SHANK2: variants seen among roughly 807,000 people sequenced by gnomAD.
SHANK2 encodes the protein SH3 and multiple ankyrin repeat domains protein 2.
Under a neutral mutation model 133.7 loss-of-function variants are expected in SHANK2, and 43 were observed. The observed-to-expected ratio is 0.32, with a 90% CI of 0.25 to 0.41. The LOEUF (loss-of-function observed/expected upper bound fraction) is 0.41. Ranked by LOEUF, SHANK2 falls within the 10% of genes least tolerant of loss-of-function variation. The probability of loss-of-function intolerance (pLI) is 1.00; values close to 1 mark genes in which losing one functional copy is unlikely to be tolerated. For synonymous variants in SHANK2, 1,017 were observed against 952.8 expected (o/e 1.07, Z -1.24); for missense variants, 1,994 against 2,235.8 (o/e 0.89, Z 2.18).
intron 17 of SHANK2, among the ~76,000 whole-genome samples, chr11:70,563,716 T>G (rs1298571300): frequency 6.6e-6 from 1 of 152,114 alleles, no homozygotes; most frequent in Non-Finnish European, 1.5e-5. Context: ...TTTTGTATTT[T>G]TAGTAGAGAT....
chr11:71,149,136 G>A (rs1555107359), intron 2 of SHANK2, among the ~76,000 whole-genome samples: 1 of 152,162 alleles, frequency 6.6e-6, no homozygotes. Flanking sequence ...AGTGCAGGGG[G>A]CAGAAGAGGC....
At chr11:70,689,878 G>C (rs1945238428) in intron 15 of SHANK2, among the ~76,000 whole-genome samples, 1 of 152,192 alleles carries the variant, frequency 6.6e-6, no homozygotes, top group Non-Finnish European at 1.5e-5. Context: ...GACAACAGAG[G>C]ACAAGTCAGC....
At chr11:70,803,801 C>A (rs1948104318) in intron 13 of SHANK2, among the ~76,000 whole-genome samples, 1 of 147,792 alleles carries the variant, frequency 6.8e-6, no homozygotes, top group African/African-American at 2.5e-5. Context: ...CAAAGAAGAG[C>A]CCTTGAATTA....
intron 17 of SHANK2, among the ~76,000 whole-genome samples, chr11:70,599,913 A>AAGAAAGAAAGAAAG (rs1565166402): frequency 1.4e-5 from 1 of 71,770 alleles, no homozygotes; most frequent in African/African-American, 6.8e-5. Flanking sequence ...AAGAGAAAGA[A>AAGAAAGAAAGAAAG]AGAAAGAAAG....
intron 17 of SHANK2, among the ~76,000 whole-genome samples, chr11:70,533,327 C>G (rs1031522339): frequency 6.6e-6 from 1 of 152,110 alleles, no homozygotes; most frequent in Non-Finnish European, 1.5e-5. Context: ...CGGGCTAAAC[C>G]GATCCTCCTG....
At chr11:70,568,272 G>C (rs1384032119) in intron 17 of SHANK2, among the ~76,000 whole-genome samples, 1 of 152,208 alleles carries the variant, frequency 6.6e-6, no homozygotes, top group Non-Finnish European at 1.5e-5. Context: ...CCAGCACCAG[G>C]AAGAATCTTC....
intron 17 of SHANK2, among the ~76,000 whole-genome samples, chr11:70,567,828 C>T (rs1554982204): frequency 6.6e-6 from 1 of 152,198 alleles, no homozygotes; most frequent in African/African-American, 2.4e-5. Context: ...GTCTGTGGTG[C>T]TTTGCTGGGG....
chr11:70,552,200 G>A (rs1225420523), intron 17 of SHANK2, among the ~76,000 whole-genome samples: 1 of 152,152 alleles, frequency 6.6e-6, no homozygotes, highest in Non-Finnish European at 1.5e-5. Context: ...AGGGGCAACC[G>A]GCATTTCCCA....
chr11:70,665,689 C>A (rs1698732047), intron 15 of SHANK2, among the ~76,000 whole-genome samples: 1 of 152,206 alleles, frequency 6.6e-6, no homozygotes, highest in Non-Finnish European at 1.5e-5. Flanking sequence ...CAGACATTGA[C>A]CACCTTGACT....
chr11:70,736,339 G>A (rs990581753), intron 14 of SHANK2, among the ~76,000 whole-genome samples: 3 of 152,172 alleles, frequency 2.0e-5, no homozygotes, highest in East Asian at 1.9e-4. Context: ...CCTAGCCCCC[G>A]AAACCCACGA....
intron 2 of SHANK2, among the ~76,000 whole-genome samples, chr11:71,151,785 G>A (rs1952802408): frequency 8.0e-6 from 1 of 125,252 alleles, no homozygotes. Flanking sequence ...ACTGGCAAGA[G>A]CAGGCAGAGA....
chr11:70,901,742 C>A (rs972783756), intron 10 of SHANK2, among the ~76,000 whole-genome samples: 7 of 152,256 alleles, frequency 4.6e-5, no homozygotes, highest in African/African-American at 1.4e-4. Flanking sequence ...TGCAAGCCAT[C>A]GCCAGCTTTG....
At chr11:70,759,321 GT>G (rs1555039684) in intron 14 of SHANK2, among the ~76,000 whole-genome samples, 1 of 149,814 alleles carries the variant, frequency 6.7e-6, no homozygotes, top group African/African-American at 2.5e-5. Context: ...CCCGTCACTA[GT>G]AAAAATACAA....
In SHANK2 at chr11:71,086,218, TATA is replaced by T. The variant is rs1590895699; in HGVS notation, c.912+6201_912+6203del. 1.1e-3 allele frequency among the ~76,000 whole-genome samples: 99 copies of T among 86,302 alleles called. 8 individuals carry two copies. Among genetic ancestry groups the T allele is most frequent in the African/African-American group, 2.3e-3 (44 of 19,554 alleles). The allele number at this position is 86,302 out of a possible 152,430, so 56.6% of individuals were successfully genotyped here. On this transcript the variant is annotated intron_variant, in intron 8 of 25. Coordinates refer to ENST00000601538, the MANE Select transcript of SHANK2 (RefSeq NM_012309.5). ...TTAAATTATATAATATATTATGTTA[TATA>T]ATATATTAAATTATATAATATATTA...
chr11:71,177,132 C>T (rs35351672), intron 2 of SHANK2, among the ~76,000 whole-genome samples: 1,759 of 108,956 alleles, frequency 0.016, 37 homozygotes, highest in African/African-American at 0.06. Flanking sequence ...ATGAAGTAGC[C>T]GAAAGAATTC....
At position 70,562,831 on chromosome 11, in the gene SHANK2, C is replaced by T. The variant is rs189800443; in HGVS notation, c.2062-59900G>A. Among the ~76,000 whole-genome samples, 16 of 152,254 alleles carry T rather than the reference C, an allele frequency of 1.1e-4. No homozygotes were observed. The East Asian group carries it at 1.4e-3, about 13-fold the overall frequency. The stretch of plus-strand genomic sequence containing the variant: ...GTCCCTTGTATATTTTGCCCACCCC[C>T]GCCAATTCTCTCATTTTCTGCCTTC... On this transcript the variant is annotated intron_variant, in intron 17 of 25. Transcript: ENST00000601538.
At chr11:71,165,489 T>C (rs1464530180) in intron 2 of SHANK2, among the ~76,000 whole-genome samples, 5 of 152,304 alleles carry the variant, frequency 3.3e-5, no homozygotes, top group African/African-American at 7.2e-5. Flanking sequence ...TAGGACGCTA[T>C]GCTGTGCAGC....
chr11:70,735,575 G>A (rs1468788560), intron 14 of SHANK2, among the ~76,000 whole-genome samples: 1 of 152,092 alleles, frequency 6.6e-6, no homozygotes, highest in Non-Finnish European at 1.5e-5. Context: ...GTGGTGGCGG[G>A]CGCCTGTAAT....
chr11:70,688,941 T>G (rs1250172973), intron 15 of SHANK2, among the ~76,000 whole-genome samples: 1 of 152,228 alleles, frequency 6.6e-6, no homozygotes, highest in African/African-American at 2.4e-5. Flanking sequence ...CCCATAGGTA[T>G]GCATGAGAAC....
Sources: allele counts gnomAD v4.1 joint callset (sites outside exome capture counted in the v4.1 genomes callset), GRCh38; gene constraint gnomAD v4.1.1; transcripts MANE v1.5; gene names NCBI Gene and HGNC (gene_info 2026-07-23, HGNC 2026-07-21).